RNF125: variants seen among roughly 807,000 people sequenced by gnomAD.
RNF125 encodes ring finger protein 125, also known as E3 ubiquitin-protein ligase RNF125.
Under a neutral mutation model 26.0 loss-of-function variants are expected in RNF125, and 21 were observed. The observed-to-expected ratio is 0.81, with a 90% CI of 0.57 to 1.16. The LOEUF is 1.16. Ranked by LOEUF, RNF125 falls within the 50% of genes most tolerant of loss-of-function variation. The pLI is 0.00. For synonymous variants in RNF125, 95 were observed against 109.2 expected, an observed-to-expected ratio of 0.87 and a Z score of 0.81; for missense variants, 270 against 299.4, an observed-to-expected ratio of 0.90 and a Z score of 0.72.
At chr18:32,056,476 C>T (rs1422826793) in intron 4 of RNF125, among the ~76,000 whole-genome samples, 1 of 151,638 alleles carries the variant, frequency 6.6e-6, no homozygotes, top group Non-Finnish European at 1.5e-5. Flanking sequence ...ATTAGCTGGG[C>T]ATGGTGGCCC....
chr18:32,026,061 AAAAAC>A (rs1263539430), intron 1 of RNF125, among the ~76,000 whole-genome samples: 6 of 138,644 alleles, frequency 4.3e-5, no homozygotes, highest in Admixed American at 2.3e-4. Context: ...CTTTCTTAAA[AAAAAC>A]TTTTTTTTTT....
chr18:32,081,902 G>A, the RNF125 span, among the ~76,000 whole-genome samples: 1 of 152,316 alleles, frequency 6.6e-6, no homozygotes, highest in Non-Finnish European at 1.5e-5. Context: ...AAAAAAGGAA[G>A]TTGGGAATTG....
chr18:32,085,436 A>G, the RNF125 span, among the ~76,000 whole-genome samples: 1 of 149,702 alleles, frequency 6.7e-6, no homozygotes, highest in African/African-American at 2.5e-5. Context: ...GAGGGGGCTC[A>G]CACCTGTAAT....
At chr18:32,088,142 G>A in the RNF125 span, among the ~76,000 whole-genome samples, 2 of 152,144 alleles carry the variant, frequency 1.3e-5, no homozygotes, top group Admixed American at 1.3e-4. Context: ...TTAGCAACTG[G>A]AACCAAATTG....
At chr18:32,047,025 C>A (rs996868239) in intron 4 of RNF125, among the ~76,000 whole-genome samples, 8 of 152,040 alleles carry the variant, frequency 5.3e-5, no homozygotes, top group African/African-American at 1.7e-4. Context: ...CGTGCCACTA[C>A]ACCTGCCTAA....
intron 1 of RNF125, among the ~76,000 whole-genome samples, chr18:32,024,432 T>C (rs2039014479): frequency 6.6e-6 from 1 of 151,762 alleles, no homozygotes; most frequent in African/African-American, 2.4e-5. Context: ...GAAGAATTGT[T>C]TGTCTTATTT....
intron 2 of RNF125, among the ~76,000 whole-genome samples, chr18:32,039,687 T>A (rs1324515885): frequency 3.3e-5 from 5 of 152,112 alleles, no homozygotes; most frequent in African/African-American, 1.2e-4. Flanking sequence ...AACAAGAGGA[T>A]TCTCTCAATT....
At chr18:32,050,800 A>G (rs2039316387) in intron 4 of RNF125, among the ~76,000 whole-genome samples, 1 of 126,572 alleles carries the variant, frequency 7.9e-6, no homozygotes, top group Non-Finnish European at 1.6e-5. Context: ...AATGTATTTT[A>G]TTCTGTAAAG....
rs1044855316 is a variant in RNF125 at position 32,032,729 on chromosome 18, C to T, written c.165-4387C>T. Among the ~76,000 whole-genome samples, 31 of 152,022 alleles carry T rather than the reference C, an allele frequency of 2.0e-4. 1 individual carries two copies. The highest frequency in any genetic ancestry group is 1.6e-3 in the Admixed American group (25 of 15,252). On this transcript the variant is annotated intron_variant, in intron 1 of 5. Transcript: ENST00000217740. ...GTGGAGGGCCGGGCTTGGTGGCTCA[C>T]GCCTGTATAATCCCAACTACTTGGG...
At chr18:32,046,651 CA>C (rs1458313705) in intron 4 of RNF125, among the ~76,000 whole-genome samples, 1 of 146,468 alleles carries the variant, frequency 6.8e-6, no homozygotes, top group Non-Finnish European at 1.5e-5. Flanking sequence ...ACACTAGAAA[CA>C]AAAAGTAGTC....
chr18:32,073,538 A>T (rs2039550217), downstream of RNF125, among the ~76,000 whole-genome samples: 1 of 152,234 alleles, frequency 6.6e-6, no homozygotes, highest in Admixed American at 6.5e-5. Context: ...TGATTTGGTC[A>T]ACATAATACT....
At chr18:32,082,819 C>G in the RNF125 span, among the ~76,000 whole-genome samples, 1 of 152,186 alleles carries the variant, frequency 6.6e-6, no homozygotes, top group African/African-American at 2.4e-5. Flanking sequence ...TGTCCCAGTT[C>G]CTTGGAGACC....
rs536702691 is a variant in RNF125, at chr18:32,054,377, G to A, written c.504+8645G>A. Among the ~76,000 whole-genome samples, 4 of 152,266 alleles carry A rather than the reference G, an allele frequency of 2.6e-5. No individual in the cohort carries two copies. The South Asian group carries it at 8.3e-4, about 32-fold the overall frequency. ...CAAAGTGCCGCGATTACCGGCATGA[G>A]CCACCGCATCTGCCCTGTACATTTT... On this transcript the variant is annotated intron_variant, in intron 4 of 5. Transcript: ENST00000217740.
At chr18:32,025,521 C>T (rs1172413606) in intron 1 of RNF125, among the ~76,000 whole-genome samples, 20 of 151,826 alleles carry the variant, frequency 1.3e-4, no homozygotes, top group Admixed American at 1.3e-3. Context: ...GAAAATTAGC[C>T]AGGGGTGGTG....
chr18:32,033,969 TAAAAAAAAAA>T (rs371872089), intron 1 of RNF125, among the ~76,000 whole-genome samples: 7 of 139,542 alleles, frequency 5.0e-5, no homozygotes, highest in Non-Finnish European at 1.1e-4. Flanking sequence ...AACATACCTT[TAAAAAAAAAA>T]AAAAGAAAAC....
intron 4 of RNF125, among the ~76,000 whole-genome samples, chr18:32,062,599 C>T (rs936168481): frequency 3.3e-5 from 5 of 151,958 alleles, no homozygotes; most frequent in Non-Finnish European, 7.4e-5. Context: ...AAACTGAGAT[C>T]CTCATAAAAC....
At chr18:32,020,870 T>C (rs2144423497) in intron 1 of RNF125, among the ~76,000 whole-genome samples, 1 of 151,656 alleles carries the variant, frequency 6.6e-6, no homozygotes, top group South Asian at 2.1e-4. Flanking sequence ...GATGGCATCA[T>C]TGCACTCTAG....
intron 4 of RNF125, among the ~76,000 whole-genome samples, chr18:32,051,694 C>CTTTT (rs71177837): frequency 7.6e-5 from 9 of 118,026 alleles, no homozygotes; most frequent in African/African-American, 6.8e-5. Context: ...TATTTTCTTT[C>CTTTT]TTTTTTTTTT....
intron 1 of RNF125, among the ~76,000 whole-genome samples, chr18:32,028,170 T>C (rs1027177858): frequency 4.9e-4 from 74 of 151,324 alleles, no homozygotes; most frequent in African/African-American, 1.7e-3. Context: ...TGGTGGCGGG[T>C]GCCTGTAGTC....
Sources: gnomAD v4.1 joint callset for allele counts (sites outside exome capture counted in the v4.1 genomes callset) on GRCh38, gnomAD v4.1.1 for gene constraint, MANE v1.5 for transcripts, NCBI Gene and HGNC (gene_info 2026-07-23, HGNC 2026-07-21) for gene names.